Variants in ARHGEF11 observed in about 807,000 individuals in gnomAD.
ARHGEF11 encodes Rho guanine exchange factor (GEF) 11.
Under a neutral mutation model 193.7 loss-of-function variants are expected in ARHGEF11, and 55 were observed. The ratio of observed to expected loss-of-function variants is 0.28; its 90% CI spans 0.23 to 0.36. ARHGEF11 has a LOEUF of 0.36. Ranked by LOEUF, ARHGEF11 falls within the 10% of genes least tolerant of loss-of-function variation. The pLI, the probability that ARHGEF11 is intolerant of heterozygous loss-of-function variation, is 1.00. For missense variants in ARHGEF11, 1,723 were observed against 2,005.6 expected (o/e 0.86, Z 2.69); for synonymous variants, 693 against 768.0 (o/e 0.90, Z 1.62).
intron 1 of ARHGEF11, among the ~76,000 whole-genome samples, chr1:157,025,857 C>T (rs542926930): frequency 4.6e-5 from 7 of 152,160 alleles, no homozygotes; most frequent in African/African-American, 9.7e-5. Flanking sequence ...GGAGATGGCT[C>T]CTTCTTCATG....
Position 156,941,908 on chromosome 1 carries a change from G to A in ARHGEF11, c.3408C>T (p.Pro1136=), listed in dbSNP as rs773789046. 16 of 1,613,838 alleles carry A rather than the reference G, an allele frequency of 9.9e-6. No homozygotes were observed. The highest frequency in any genetic ancestry group is 2.2e-5 in the East Asian group (1 of 44,904). ...GCTGGGCTGGCTCCCGGGGACCTGG[G>A]GGTGGAGGATGGACGGGCATTGGGG... The part of the protein sequence containing the change: ...GAAPMPVHPP[P]PGPREPAQQG... Residue 1136 remains proline, a synonymous_variant, in exon 34 of 41, where the codon CCC becomes CCT. Transcript: ENST00000368194.
chr1:157,029,232 T>C (rs1021329431), intron 1 of ARHGEF11, among the ~76,000 whole-genome samples: 3 of 143,228 alleles, frequency 2.1e-5, no homozygotes, highest in Admixed American at 7.1e-5. Context: ...CTGGTGGAAA[T>C]GTAAAATGGT....
At position 156,939,620 on chromosome 1, in the gene ARHGEF11, C is replaced by G; in HGVS notation, c.4024G>C (p.Glu1342Gln). 1 of 1,613,682 alleles carries G rather than the reference C, an allele frequency of 6.2e-7. No homozygotes were observed. Among genetic ancestry groups the G allele is most frequent in the Non-Finnish European group, 8.5e-7 (1 of 1,180,022 alleles). ...TCTTCAGCCAGATTCCTGTCCAGTT[C>G]TGGAGACTCCCATATCCCAGAATTT... ...TRNSGIWESP[E>Q]LDRNLAEDAS... Residue 1342 changes from glutamate (E) to glutamine (Q), a missense_variant, in exon 37 of 41, where the codon GAA (glutamate) becomes CAA (glutamine). Glu to Gln is a conservative substitution (Grantham distance 29). This residue lies in a region of ARHGEF11 where 360 missense variants were observed against 344.4 expected (regional missense o/e 1.05). Coordinates refer to ENST00000368194, the MANE Select transcript of ARHGEF11 (RefSeq NM_198236.3).
chr1:156,995,304 G>A (rs574275210), intron 1 of ARHGEF11, among the ~76,000 whole-genome samples: 8 of 152,170 alleles, frequency 5.3e-5, no homozygotes, highest in African/African-American at 9.7e-5. Flanking sequence ...AGGTCCTTGG[G>A]TGAGGGCTCA....
intron 1 of ARHGEF11, 23 bp from the exon 2 acceptor site, chr1:156,986,196 A>C: frequency 6.3e-7 from 1 of 1,594,182 alleles, no homozygotes. Flanking sequence ...TAAGGAAAGC[A>C]TGTCAATGAG....
At chr1:156,947,664 G>T in intron 25 of ARHGEF11, 105 bp downstream of exon 25, 1 of 1,463,552 alleles carries the variant, frequency 6.8e-7, no homozygotes, top group Non-Finnish European at 9.2e-7. Flanking sequence ...CAGCACACAG[G>T]GGCCCCCCAC....
chr1:156,987,101 T>G (rs1665038680), intron 1 of ARHGEF11, among the ~76,000 whole-genome samples: 1 of 152,244 alleles, frequency 6.6e-6, no homozygotes. Flanking sequence ...CAATAACTGC[T>G]GTGGCACTCC....
chr1:156,959,223 C>T (rs1557860894), intron 15 of ARHGEF11, 81 bp from the exon 16 acceptor site: 1 of 1,174,310 alleles, frequency 8.5e-7, no homozygotes, highest in Non-Finnish European at 1.2e-6. Context: ...CATCTCAAGG[C>T]ATTTCAGCTC....
In ARHGEF11 at chr1:156,980,420, G is replaced by A. The variant is rs1456105286; in HGVS notation, c.273+17C>T. The A allele has an allele frequency of 3.1e-6, 5 of 1,601,994 alleles. No individual in the cohort carries two copies. Among genetic ancestry groups the A allele is most frequent in the Non-Finnish European group, 3.4e-6 (4 of 1,173,726 alleles). On this transcript the variant is annotated intron_variant, in intron 4 of 40. Transcript: ENST00000368194. The stretch of plus-strand genomic sequence containing the variant: ...TTTCCACTGCTGGGAGTGGGAGTGT[G>A]TGTTGGGGTCACTCACTTTGATGAT...
At chr1:157,023,787 TAAC>T (rs201431667) in intron 1 of ARHGEF11, among the ~76,000 whole-genome samples, 1,926 of 142,874 alleles carry the variant, frequency 0.013, 37 homozygotes, top group African/African-American at 0.047. Context: ...AAAAAGATAA[TAAC>T]AACTGCTGGA....
chr1:156,982,389 T>C (rs576320238), intron 3 of ARHGEF11, among the ~76,000 whole-genome samples: 10 of 152,296 alleles, frequency 6.6e-5, no homozygotes, highest in African/African-American at 1.4e-4. Flanking sequence ...GTGATTCTAA[T>C]ACAGGCAGAA....
chr1:157,004,507 C>T (rs1667582894), intron 1 of ARHGEF11, among the ~76,000 whole-genome samples: 1 of 152,152 alleles, frequency 6.6e-6, no homozygotes, highest in Admixed American at 6.5e-5. Flanking sequence ...CTGGCCTCTC[C>T]CTCCAGGGCT....
chr1:157,031,163 G>A (rs115977480), intron 1 of ARHGEF11, among the ~76,000 whole-genome samples: 248 of 152,180 alleles, frequency 1.6e-3, no homozygotes, highest in African/African-American at 5.2e-3. Context: ...CCCAGTGCCC[G>A]GAATGCTGCC....
chr1:156,939,476 C>CCT, intron 37 of ARHGEF11, 72 bp downstream of exon 37: 1 of 1,593,888 alleles, frequency 6.3e-7, no homozygotes, highest in Non-Finnish European at 8.5e-7. Context: ...GGGAAGGAAG[C>CCT]AGCTGTTCGG....
chr1:157,010,406 G>A (rs1473688506), intron 1 of ARHGEF11, among the ~76,000 whole-genome samples: 1 of 152,086 alleles, frequency 6.6e-6, no homozygotes, highest in Non-Finnish European at 1.5e-5. Context: ...TATAAGATCA[G>A]CATATGAAAA....
chr1:156,951,668 C>T lies in ARHGEF11; in HGVS notation c.1830G>A (p.Gln610=). 1 of 1,614,166 alleles carries T rather than the reference C, an allele frequency of 6.2e-7. No individual in the cohort carries two copies. The highest frequency in any genetic ancestry group is 8.5e-7 in the Non-Finnish European group (1 of 1,180,022). Reference sequence around the variant, plus strand: ...CATACTGCTGGTTGTTCTCAAAGTGCTGAATGATGTTCCTCACATTGCCTG... The same window carrying T: ...CATACTGCTGGTTGTTCTCAAAGTGTTGAATGATGTTCCTCACATTGCCTG... ...VKPGNVRNII[Q]HFENNQQYDA... is the part of the protein sequence containing the mutation. Residue 610 remains glutamine (Q), a synonymous_variant, in exon 22 of 41, where the codon CAG becomes CAA. Transcript: ENST00000368194.
rs928604219 is a variant in ARHGEF11 at position 156,955,845 on chromosome 1, C to T, written c.1672-46G>A. Reference sequence around the variant, plus strand: ...GGTGTTTGCAGGAGGTCCTGATACCCAGGCGTGGCTGCTAATCAATTCTGC... The same window carrying T: ...GGTGTTTGCAGGAGGTCCTGATACCTAGGCGTGGCTGCTAATCAATTCTGC... On this transcript the variant is annotated intron_variant, in intron 19 of 40. Transcript: ENST00000368194. 3.4e-6 allele frequency: 5 copies of T among 1,456,440 alleles called. No homozygotes were observed. The East Asian group carries it at 1.1e-4, about 33-fold the overall frequency. 90.2% of individuals were successfully genotyped at this position (1,456,440 alleles called of 1,614,324 possible). A position where few individuals can be genotyped will look rare whatever the true frequency, so the allele number is the denominator to read the frequency against.
chr1:157,020,572 A>G (rs1669850345), intron 1 of ARHGEF11, among the ~76,000 whole-genome samples: 1 of 152,240 alleles, frequency 6.6e-6, no homozygotes, highest in South Asian at 2.1e-4. Flanking sequence ...TTGTACATAC[A>G]TATGATTATT....
chr1:157,038,151 G>A (rs1293764717), intron 1 of ARHGEF11, among the ~76,000 whole-genome samples: 2 of 150,404 alleles, frequency 1.3e-5, no homozygotes, highest in African/African-American at 4.9e-5. Flanking sequence ...CAACCGTCAA[G>A]CGCCACAGAT....
Sources: allele counts gnomAD v4.1 joint callset (sites outside exome capture counted in the v4.1 genomes callset), GRCh38; gene constraint gnomAD v4.1.1; regional missense constraint gnomAD v4.1.1; transcripts MANE v1.5; gene names NCBI Gene and HGNC (gene_info 2026-07-23, HGNC 2026-07-21).